Variants in CNOT6 observed in about 807,000 individuals in gnomAD.
CNOT6 encodes the protein carbon catabolite repression 4 protein.
A neutral mutation model predicts 61.2 loss-of-function variants in CNOT6; 12 were observed. The observed-to-expected ratio is 0.20, with a 90% CI of 0.13 to 0.32. CNOT6 has a LOEUF of 0.32. Among genes scored for constraint, CNOT6 ranks in the 10% least tolerant of loss-of-function variants. The pLI, the probability that CNOT6 is intolerant of heterozygous loss-of-function variation, is 1.00. For synonymous variants in CNOT6, 225 were observed against 240.6 expected, an observed-to-expected ratio of 0.94 and a Z score of 0.60; for missense variants, 405 against 663.9, an observed-to-expected ratio of 0.61 and a Z score of 4.28.
intron 1 of CNOT6, among the ~76,000 whole-genome samples, chr5:180,500,357 C>T (rs1376673302): frequency 6.6e-6 from 1 of 152,100 alleles, no homozygotes; most frequent in Non-Finnish European, 1.5e-5. Context: ...AGCAGTCCTC[C>T]TGCCTCGGCC....
At chr5:180,566,045 T>G (rs558436436) in intron 7 of CNOT6, 68 bp downstream of exon 7, 1 of 1,403,158 alleles carries the variant, frequency 7.1e-7, no homozygotes, top group East Asian at 2.4e-5. Flanking sequence ...TACATTACGC[T>G]GACACATTTG....
chr5:180,549,646 T>C lies in CNOT6; in HGVS notation c.113-285T>C, dbSNP rs146673572. On this transcript the variant is annotated intron_variant, in intron 2 of 11. Transcript: ENST00000261951. ...CCTGGGCAACAGAGCGAGACTCCGT[T>C]TCAAAAAAAAAAAGGATAAATTATT... Among the ~76,000 whole-genome samples, 869 of 151,464 alleles carry C rather than the reference T, an allele frequency of 5.7e-3. 4 individuals are homozygous for C. The highest frequency in any genetic ancestry group is 0.01 in the Middle Eastern group (3 of 294).
chr5:180,551,916 CTG>C (rs1452809064), intron 3 of CNOT6, among the ~76,000 whole-genome samples: 2 of 151,058 alleles, frequency 1.3e-5, no homozygotes, highest in African/African-American at 2.4e-5. Flanking sequence ...GTCGCCCAGA[CTG>C]GAGTGCAATA....
At chr5:180,507,691 C>G (rs1376017086) in intron 1 of CNOT6, among the ~76,000 whole-genome samples, 1 of 152,152 alleles carries the variant, frequency 6.6e-6, no homozygotes, top group East Asian at 1.9e-4. Flanking sequence ...TACATTCTTG[C>G]ACTGCTATAA....
intron 4 of CNOT6, among the ~76,000 whole-genome samples, chr5:180,561,286 A>G (rs964644042): frequency 6.7e-6 from 1 of 149,616 alleles, no homozygotes; most frequent in Non-Finnish European, 1.5e-5. Context: ...TAATATTCCC[A>G]TTTGGTTTTA....
At chr5:180,562,552 A>T (rs1355077698) in intron 4 of CNOT6, among the ~76,000 whole-genome samples, 1 of 152,126 alleles carries the variant, frequency 6.6e-6, no homozygotes, top group African/African-American at 2.4e-5. Context: ...CATCTTGGCT[A>T]ATGCGGTGAA....
chr5:180,497,234 G>A (rs1193626541), intron 1 of CNOT6, among the ~76,000 whole-genome samples: 1 of 151,324 alleles, frequency 6.6e-6, no homozygotes, highest in East Asian at 1.9e-4. Flanking sequence ...GGCTGAGGTG[G>A]GAGAATGGCT....
chr5:180,549,595 G>A (rs574524366), intron 2 of CNOT6, among the ~76,000 whole-genome samples: 42 of 151,974 alleles, frequency 2.8e-4, no homozygotes, highest in Non-Finnish European at 4.9e-4. Flanking sequence ...CTTGCAGTGA[G>A]CCCAGATCAC....
intron 1 of CNOT6, among the ~76,000 whole-genome samples, chr5:180,515,863 A>AC (rs1757611497): frequency 6.6e-6 from 1 of 152,290 alleles, no homozygotes; most frequent in South Asian, 2.1e-4. Flanking sequence ...GAAAATGTGA[A>AC]AAGCATAGTA....
chr5:180,529,631 A>G (rs1758259320), intron 2 of CNOT6, among the ~76,000 whole-genome samples: 1 of 152,264 alleles, frequency 6.6e-6, no homozygotes, highest in Non-Finnish European at 1.5e-5. Flanking sequence ...TCCTCTTACA[A>G]AATACATAAA....
Position 180,502,105 on chromosome 5 carries a change from G to A in CNOT6, c.-3+7342G>A, listed in dbSNP as rs75157938. Among the ~76,000 whole-genome samples the A allele has an allele frequency of 3.2e-3, 488 of 152,284 alleles. 16 individuals are homozygous for A. The East Asian group carries it at 0.075, about 23-fold the overall frequency. On this transcript the variant is annotated intron_variant, in intron 1 of 11. Coordinates refer to ENST00000261951, the MANE Select transcript of CNOT6 (RefSeq NM_001370472.1). ...AGGAGACAGGGTCGAGAGAAGGTAG[G>A]CACCTGTGTTAGTCACCAGCTTTGT... is the stretch of plus-strand genomic sequence containing the variant.
At chr5:180,545,371 A>G (rs1412102472) in intron 2 of CNOT6, among the ~76,000 whole-genome samples, 1 of 152,126 alleles carries the variant, frequency 6.6e-6, no homozygotes, top group East Asian at 1.9e-4. Flanking sequence ...ATAACCATAG[A>G]TTAGTATGCA....
Position 180,529,397 on chromosome 5 carries a change from T to TC in CNOT6, c.112+9_112+10insC. The stretch of plus-strand genomic sequence containing the variant: ...AGAGCTTGAAATAAGTGGTAAGACA[T>TC]GGAAGCATGAATTTATGGTATGGAA... On this transcript the variant is annotated intron_variant, in intron 2 of 11. Coordinates refer to ENST00000261951, the MANE Select transcript of CNOT6 (RefSeq NM_001370472.1). 1 of 1,523,334 alleles carries TC rather than the reference T, an allele frequency of 6.6e-7. No individual in the cohort carries two copies. The highest frequency in any genetic ancestry group is 9.1e-7 in the Non-Finnish European group (1 of 1,099,338). 94.4% of individuals were successfully genotyped at this position (1,523,334 alleles called of 1,614,324 possible).
chr5:180,502,673 GT>G (rs1165486308), intron 1 of CNOT6, among the ~76,000 whole-genome samples: 5 of 115,266 alleles, frequency 4.3e-5, no homozygotes, highest in Admixed American at 1.7e-4. Context: ...AGTATTACAG[GT>G]GATTAGGTGC....
In CNOT6 at chr5:180,566,815, G is replaced by C. The variant is rs1329609199; in HGVS notation, c.718-273G>C. Reference sequence around the variant, plus strand: ...TTACAGGCATGCACCACCATGCCTGGCTAATTTTTGTATTTTTAGTAGAGA... The same window carrying C: ...TTACAGGCATGCACCACCATGCCTGCCTAATTTTTGTATTTTTAGTAGAGA... On this transcript the variant is annotated intron_variant, in intron 7 of 11. Coordinates refer to ENST00000261951, the MANE Select transcript of CNOT6 (RefSeq NM_001370472.1). Among the ~76,000 whole-genome samples, 5 of 151,760 alleles carry C rather than the reference G, an allele frequency of 3.3e-5. No homozygotes were observed. The East Asian group carries it at 9.7e-4, about 29-fold the overall frequency.
chr5:180,512,662 T>C (rs914490477), intron 1 of CNOT6, among the ~76,000 whole-genome samples: 3 of 152,240 alleles, frequency 2.0e-5, no homozygotes, highest in Admixed American at 2.0e-4. Context: ...AGTGGCGCAA[T>C]GTCTGCTCAC....
At chr5:180,550,733 A>G (rs1759554055) in intron 3 of CNOT6, among the ~76,000 whole-genome samples, 1 of 152,190 alleles carries the variant, frequency 6.6e-6, no homozygotes, top group African/African-American at 2.4e-5. Context: ...CATGACAAAC[A>G]GGGCACCATA....
At chr5:180,559,483 C>G (rs907248899) in intron 4 of CNOT6, among the ~76,000 whole-genome samples, 12 of 152,148 alleles carry the variant, frequency 7.9e-5, no homozygotes, top group African/African-American at 2.9e-4. Context: ...TTTCTTGCCT[C>G]TATTATTACA....
intron 2 of CNOT6, among the ~76,000 whole-genome samples, chr5:180,529,730 A>G (rs921806209): frequency 1.1e-4 from 16 of 152,208 alleles, no homozygotes; most frequent in Non-Finnish European, 1.6e-4. Flanking sequence ...TGATTCTCTG[A>G]TAAAGTAGGA....
Sources: gnomAD v4.1 joint callset for allele counts (sites outside exome capture counted in the v4.1 genomes callset) on GRCh38, gnomAD v4.1.1 for gene constraint, MANE v1.5 for transcripts, NCBI Gene and HGNC (gene_info 2026-07-23, HGNC 2026-07-21) for gene names.